The following CCDC91 variants were observed in gnomAD, a reference collection of about 807,000 sequenced individuals.
The protein encoded by CCDC91 is coiled-coil domain-containing protein 91.
CCDC91 carries 48 observed loss-of-function variants against 63.2 expected under a neutral mutation model. That is an observed-to-expected ratio of 0.76 (90% confidence interval 0.60 to 0.97). The LOEUF (loss-of-function observed/expected upper bound fraction) is 0.97. Ranked by LOEUF, CCDC91 falls within the 50% of genes least tolerant of loss-of-function variation. The pLI is 0.00. For missense variants in CCDC91, 500 were observed against 494.6 expected, an observed-to-expected ratio of 1.01 and a Z score of -0.10; for synonymous variants, 167 against 165.8, an observed-to-expected ratio of 1.01 and a Z score of -0.06.
At position 28,476,748 on chromosome 12, in the gene CCDC91, G is replaced by A. The variant is rs200065332; in HGVS notation, c.1102-7304G>A. 4.0e-4 allele frequency among the ~76,000 whole-genome samples: 61 copies of A among 151,870 alleles called. No homozygotes were observed. In the East Asian group the frequency reaches 0.011, roughly 28 times the overall value. On this transcript the variant is annotated intron_variant, in intron 11 of 12. Transcript: ENST00000536442. ...CAAGACTAATAAAGAAGAAAAGAGA[G>A]AATAATCAAATAGATGCAATAAAAA...
At chr12:28,201,005 AC>A (rs539906740) in intron 1 of CCDC91, among the ~76,000 whole-genome samples, 4 of 114,114 alleles carry the variant, frequency 3.5e-5, no homozygotes, top group East Asian at 2.2e-4. Context: ...CGGGGGGCTG[AC>A]CCCCCCACCT....
intron 12 of CCDC91, among the ~76,000 whole-genome samples, chr12:28,509,144 A>G (rs1404825407): frequency 1.3e-5 from 2 of 151,880 alleles, no homozygotes; most frequent in South Asian, 4.1e-4. Context: ...CCTCTCATGT[A>G]GTCTTTCTGG....
intron 11 of CCDC91, among the ~76,000 whole-genome samples, chr12:28,463,859 G>A (rs1026189272): frequency 4.6e-5 from 7 of 151,972 alleles, no homozygotes; most frequent in African/African-American, 9.7e-5. Context: ...CTTCCTGCCC[G>A]GACACCAGTT....
intron 12 of CCDC91, among the ~76,000 whole-genome samples, chr12:28,532,605 TTTAAA>T (rs1006481403): frequency 6.6e-6 from 1 of 152,020 alleles, no homozygotes; most frequent in Admixed American, 6.6e-5. Flanking sequence ...TTATATATTT[TTTAAA>T]TAAGTGATGG....
At chr12:28,264,391 T>C (rs1035180838) in intron 3 of CCDC91, among the ~76,000 whole-genome samples, 2 of 150,478 alleles carry the variant, frequency 1.3e-5, no homozygotes, top group African/African-American at 4.8e-5. Flanking sequence ...CTAAGAAATC[T>C]CTTTTAAAAG....
intron 7 of CCDC91, among the ~76,000 whole-genome samples, chr12:28,377,818 C>T (rs115359232): frequency 4.6e-5 from 7 of 152,034 alleles, no homozygotes; most frequent in African/African-American, 1.4e-4. Flanking sequence ...GTCTTTGTTT[C>T]TGATGCTTGA....
At chr12:28,348,051 C>T (rs1216074382) in intron 6 of CCDC91, among the ~76,000 whole-genome samples, 1 of 152,224 alleles carries the variant, frequency 6.6e-6, no homozygotes, top group Non-Finnish European at 1.5e-5. Context: ...TATTACATTA[C>T]TCTAAGGAGG....
At chr12:28,502,714 G>A (rs1252581061) in intron 12 of CCDC91, among the ~76,000 whole-genome samples, 1 of 151,488 alleles carries the variant, frequency 6.6e-6, no homozygotes, top group African/African-American at 2.4e-5. Context: ...AAAACAGCAT[G>A]GTACTGGTAC....
intron 7 of CCDC91, among the ~76,000 whole-genome samples, chr12:28,381,143 T>A (rs914971251): frequency 2.6e-5 from 4 of 152,152 alleles, no homozygotes; most frequent in Non-Finnish European, 5.9e-5. Context: ...AATTTATTAT[T>A]TATTCTGAAC....
At position 28,457,966 on chromosome 12, in the gene CCDC91, G is replaced by A. The variant is rs117537087; in HGVS notation, c.1101+5312G>A. ...CACAGACACTCAAACTATGTCTGAC[G>A]TTGGAAGCTCTTCATAATGGTTTAT... On this transcript the variant is annotated intron_variant, in intron 11 of 12. Coordinates refer to ENST00000536442, the MANE Select transcript of CCDC91 (RefSeq NM_018318.5). Among the ~76,000 whole-genome samples, 845 of 152,158 alleles carry A rather than the reference G, an allele frequency of 5.6e-3. 23 individuals are homozygous for A. The highest frequency in any genetic ancestry group is 0.043 in the Admixed American group (654 of 15,276).
At chr12:28,470,475 A>G (rs1269683075) in intron 11 of CCDC91, among the ~76,000 whole-genome samples, 1 of 152,152 alleles carries the variant, frequency 6.6e-6, no homozygotes, top group East Asian at 1.9e-4. Flanking sequence ...GAACCCTCAT[A>G]CACTGTTGGT....
At chr12:28,370,410 C>G (rs1352890789) in intron 7 of CCDC91, among the ~76,000 whole-genome samples, 1 of 152,182 alleles carries the variant, frequency 6.6e-6, no homozygotes, top group Non-Finnish European at 1.5e-5. Context: ...GCTCCAGATC[C>G]CAATAGGTTT....
At chr12:28,453,924 T>G (rs1949938116) in intron 11 of CCDC91, among the ~76,000 whole-genome samples, 1 of 152,060 alleles carries the variant, frequency 6.6e-6, no homozygotes, top group African/African-American at 2.4e-5. Flanking sequence ...CAGCACATAT[T>G]CGTCATCCTA....
chr12:28,341,005 C>T (rs577849743), intron 6 of CCDC91, among the ~76,000 whole-genome samples: 3 of 152,170 alleles, frequency 2.0e-5, no homozygotes, highest in South Asian at 2.1e-4. Context: ...GGTTGTTTTC[C>T]CCTGGAGTTG....
chr12:28,384,652 C>T (rs1369814850), intron 7 of CCDC91, among the ~76,000 whole-genome samples: 4 of 151,644 alleles, frequency 2.6e-5, no homozygotes, highest in Admixed American at 6.6e-5. Context: ...GCTTAGTCCA[C>T]GAAAAGAGAA....
chr12:28,345,782 G>T (rs1592376497), intron 6 of CCDC91, among the ~76,000 whole-genome samples: 1 of 151,634 alleles, frequency 6.6e-6, no homozygotes, highest in East Asian at 1.9e-4. Context: ...TGATTTTTCG[G>T]ATCTTATGTA....
intron 3 of CCDC91, among the ~76,000 whole-genome samples, chr12:28,270,646 A>G (rs1209221710): frequency 6.6e-6 from 1 of 152,164 alleles, no homozygotes; most frequent in African/African-American, 2.4e-5. Flanking sequence ...CAACTCATCA[A>G]TCCATTAGGT....
intron 1 of CCDC91, among the ~76,000 whole-genome samples, chr12:28,250,093 A>G (rs1208194918): frequency 2.6e-5 from 4 of 152,080 alleles, no homozygotes; most frequent in Admixed American, 1.3e-4. Flanking sequence ...CTGGGAAAAG[A>G]TTGCTATTAA....
intron 6 of CCDC91, among the ~76,000 whole-genome samples, chr12:28,349,369 A>G (rs1592386080): frequency 6.6e-6 from 1 of 152,260 alleles, no homozygotes; most frequent in South Asian, 2.1e-4. Context: ...CATGATGTAG[A>G]GCAGACTTGA....
Sources: allele counts gnomAD v4.1 joint callset (sites outside exome capture counted in the v4.1 genomes callset), GRCh38; gene constraint gnomAD v4.1.1; transcripts MANE v1.5; gene names NCBI Gene and HGNC (gene_info 2026-07-23, HGNC 2026-07-21).